KLHL29: variants seen among roughly 807,000 people sequenced by gnomAD.
The protein encoded by KLHL29 is kelch like family member 29, also known as kelch-like protein 29.
In KLHL29, 21 loss-of-function variants were observed where a neutral mutation model predicts 80.4. That is an observed-to-expected ratio of 0.26 (90% confidence interval 0.19 to 0.38). The LOEUF (loss-of-function observed/expected upper bound fraction) is 0.38. Among genes scored for constraint, KLHL29 ranks in the 10% least tolerant of loss-of-function variants. The pLI is 1.00. For synonymous variants in KLHL29, 511 were observed against 526.8 expected (o/e 0.97, Z 0.41); for missense variants, 867 against 1,223.9 (o/e 0.71, Z 4.35).
At chr2:23,478,707 C>T (rs1487544548) in intron 2 of KLHL29, among the ~76,000 whole-genome samples, 1 of 152,134 alleles carries the variant, frequency 6.6e-6, no homozygotes, top group African/African-American at 2.4e-5. Context: ...CTGATCGTCA[C>T]TGGTGCTGGA....
At chr2:23,690,266 G>A (rs1192641036) in intron 6 of KLHL29, 5 of 152,244 alleles carry the variant, frequency 3.3e-5, no homozygotes, top group Non-Finnish European at 4.4e-5. Context: ...AAATCTCCAA[G>A]GGAATTCAGA....
intron 3 of KLHL29, among the ~76,000 whole-genome samples, chr2:23,623,726 A>G (rs2149144814): frequency 6.6e-6 from 1 of 152,244 alleles, no homozygotes; most frequent in African/African-American, 2.4e-5. Context: ...TAAGTAGGTG[A>G]GTGGACATGT....
chr2:23,618,784 G>A (rs576008502), intron 3 of KLHL29, among the ~76,000 whole-genome samples: 1 of 152,302 alleles, frequency 6.6e-6, no homozygotes, highest in Non-Finnish European at 1.5e-5. Context: ...ATTAAGGCAG[G>A]GGTTGAAATC....
chr2:23,706,561 C>T lies in KLHL29; in HGVS notation c.2525C>T (p.Ala842Val). 2 of 1,537,166 alleles carry T rather than the reference C, an allele frequency of 1.3e-6. No homozygotes were observed. The change falls in exon 14 of 14, where the codon GCC becomes GTC. Residue 842 changes from alanine to valine, a missense_variant. This residue lies in a region of KLHL29 where 443 missense variants were observed against 767.0 expected (regional missense o/e 0.58). Coordinates refer to ENST00000486442, the MANE Select transcript of KLHL29 (RefSeq NM_052920.2). ...GGGCCCGCGCTGGGCAACATGGAGG[C>T]CTACGAGCCCACAACCAACACATGG... is the stretch of plus-strand genomic sequence containing the variant. ...SEGPALGNME[A>V]YEPTTNTWTL...
chr2:23,548,877 GC>G (rs945434907), intron 2 of KLHL29, among the ~76,000 whole-genome samples: 2 of 152,116 alleles, frequency 1.3e-5, no homozygotes, highest in African/African-American at 4.8e-5. Flanking sequence ...CTCTGTTACA[GC>G]CCCCCTGCCC....
chr2:23,504,166 G>C (rs576503121), intron 2 of KLHL29, among the ~76,000 whole-genome samples: 1 of 152,282 alleles, frequency 6.6e-6, no homozygotes, highest in African/African-American at 2.4e-5. Context: ...GTGTTCAGGG[G>C]CCAGATAAGT....
At chr2:23,514,483 T>G (rs1451593110) in intron 2 of KLHL29, among the ~76,000 whole-genome samples, 2 of 152,172 alleles carry the variant, frequency 1.3e-5, no homozygotes, top group African/African-American at 4.8e-5. Context: ...TCCTGCACGT[T>G]TCTTCCTCAT....
chr2:23,472,989 C>T (rs1158335257), intron 1 of KLHL29, among the ~76,000 whole-genome samples: 1 of 152,244 alleles, frequency 6.6e-6, no homozygotes. Flanking sequence ...ATAGAGAAAC[C>T]ATCATAGCAC....
At chr2:23,466,502 C>A (rs1389000185) in intron 1 of KLHL29, among the ~76,000 whole-genome samples, 1 of 152,130 alleles carries the variant, frequency 6.6e-6, no homozygotes, top group African/African-American at 2.4e-5. Flanking sequence ...AAAGAAGAAG[C>A]AGATGGCTAA....
At chr2:23,631,945 A>T (rs935823436) in intron 3 of KLHL29, among the ~76,000 whole-genome samples, 6 of 152,256 alleles carry the variant, frequency 3.9e-5, no homozygotes, top group Middle Eastern at 3.4e-3. Context: ...GAACGCAAAG[A>T]CTTTCATTGA....
intron 1 of KLHL29, among the ~76,000 whole-genome samples, chr2:23,397,243 G>C (rs1447687609): frequency 6.6e-6 from 1 of 152,228 alleles, no homozygotes; most frequent in African/African-American, 2.4e-5. Flanking sequence ...CCCAGTTCTA[G>C]ATGAGGGCTG....
At chr2:23,652,347 A>G (rs899336901) in intron 5 of KLHL29, among the ~76,000 whole-genome samples, 5 of 152,228 alleles carry the variant, frequency 3.3e-5, no homozygotes, top group Non-Finnish European at 5.9e-5. Context: ...GGAACCACCG[A>G]TCGCTAGACA....
chr2:23,493,624 G>A (rs1006967222), intron 2 of KLHL29, among the ~76,000 whole-genome samples: 3 of 151,972 alleles, frequency 2.0e-5, no homozygotes, highest in Admixed American at 6.6e-5. Context: ...CTCTGGGAGC[G>A]GGGTGGGCGT....
intron 2 of KLHL29, among the ~76,000 whole-genome samples, chr2:23,556,513 G>A (rs1036773202): frequency 6.6e-5 from 10 of 152,012 alleles, no homozygotes; most frequent in Admixed American, 6.6e-4. Flanking sequence ...ATTAGCGGGT[G>A]TGGTGATGGG....
At chr2:23,516,400 G>A (rs1315934508) in intron 2 of KLHL29, among the ~76,000 whole-genome samples, 4 of 151,800 alleles carry the variant, frequency 2.6e-5, no homozygotes, top group East Asian at 1.9e-4. Context: ...ACACACACGC[G>A]CACACACACG....
intron 2 of KLHL29, among the ~76,000 whole-genome samples, chr2:23,558,593 G>A (rs1192953851): frequency 1.3e-5 from 2 of 152,056 alleles, no homozygotes; most frequent in Non-Finnish European, 2.9e-5. Context: ...TGGTAGAAAT[G>A]GGGTTTCACC....
Position 23,682,977 on chromosome 2 carries a change from G to A in KLHL29, c.941-1422G>A, listed in dbSNP as rs937867112. ...GTGTTCTCCAGGAGCCCCTCCCACC[G>A]TCTTCCTTGGTCTTCAGCAGAGCCC... On this transcript the variant is annotated intron_variant, in intron 5 of 13. Transcript: ENST00000486442. The surrounding 1 kb of genome is among the most constrained non-coding windows in gnomAD (Gnocchi z 4.1). Among the ~76,000 whole-genome samples, 38 of 152,182 alleles carry A rather than the reference G, an allele frequency of 2.5e-4. No individual in the cohort carries two copies. The highest frequency in any genetic ancestry group is 1.7e-3 in the Admixed American group (26 of 15,280).
At chr2:23,416,737 C>G (rs1370016217) in intron 1 of KLHL29, among the ~76,000 whole-genome samples, 1 of 152,202 alleles carries the variant, frequency 6.6e-6, no homozygotes, top group African/African-American at 2.4e-5. Flanking sequence ...ACATGGTGGC[C>G]TTCCTGGCCA....
intron 3 of KLHL29, among the ~76,000 whole-genome samples, chr2:23,619,292 G>A (rs918970502): frequency 3.9e-5 from 6 of 152,214 alleles, no homozygotes; most frequent in Non-Finnish European, 7.3e-5. Context: ...GGGCTGGATC[G>A]AGAGCGGGCT....
Sources: allele counts gnomAD v4.1 joint callset (sites outside exome capture counted in the v4.1 genomes callset), GRCh38; gene constraint gnomAD v4.1.1; regional missense constraint gnomAD v4.1.1; non-coding constraint Gnocchi (gnomAD v3.1); transcripts MANE v1.5; gene names NCBI Gene and HGNC (gene_info 2026-07-23, HGNC 2026-07-21).